Variants in MAF observed in about 807,000 individuals in gnomAD.
MAF encodes the protein transcription factor Maf.
A neutral mutation model predicts 22.0 loss-of-function variants in MAF; 10 were observed. That is an observed-to-expected ratio of 0.45 (90% CI 0.28 to 0.77). The LOEUF is 0.77. MAF is among the 30% of genes least tolerant of loss of function. The pLI, the probability that MAF is intolerant of heterozygous loss-of-function variation, is 0.12. For missense variants in MAF, 544 were observed against 548.4 expected, an observed-to-expected ratio of 0.99 and a Z score of 0.08; for synonymous variants, 337 against 255.8, an observed-to-expected ratio of 1.32 and a Z score of -3.03.
chr16:79,328,682 A>G, the MAF span, among the ~76,000 whole-genome samples: 1 of 152,166 alleles, frequency 6.6e-6, no homozygotes, highest in Non-Finnish European at 1.5e-5. Context: ...TTTGGCCAAT[A>G]TAACTCCATT....
the MAF span, among the ~76,000 whole-genome samples, chr16:79,305,674 G>T: frequency 1.3e-5 from 2 of 152,190 alleles, no homozygotes; most frequent in African/African-American, 4.8e-5. Context: ...ACATCGCTTT[G>T]AACCTGAGCT....
the MAF span, among the ~76,000 whole-genome samples, chr16:79,571,699 T>C: frequency 6.6e-6 from 1 of 152,154 alleles, no homozygotes; most frequent in Non-Finnish European, 1.5e-5. Flanking sequence ...TCAGGCAGGA[T>C]AGATCTACAG....
At chr16:79,236,269 T>C in the MAF span, among the ~76,000 whole-genome samples, 3 of 152,076 alleles carry the variant, frequency 2.0e-5, no homozygotes, top group Admixed American at 6.6e-5. Flanking sequence ...CTGGTTAATG[T>C]TGGTGTTTGG....
chr16:79,551,976 A>T, the MAF span, among the ~76,000 whole-genome samples: 1 of 151,424 alleles, frequency 6.6e-6, no homozygotes, highest in African/African-American at 2.4e-5. Context: ...CACAGCTGTG[A>T]TTTTTTTTTA....
the MAF span, among the ~76,000 whole-genome samples, chr16:79,283,350 A>G: frequency 6.6e-6 from 1 of 152,246 alleles, no homozygotes; most frequent in Non-Finnish European, 1.5e-5. Context: ...CAGAAAGTTT[A>G]CACTTTGGGC....
At chr16:79,437,688 G>T in the MAF span, among the ~76,000 whole-genome samples, 5 of 152,116 alleles carry the variant, frequency 3.3e-5, no homozygotes, top group Non-Finnish European at 5.9e-5. Context: ...TGAAAACCCT[G>T]GCATTACTCT....
the MAF span, among the ~76,000 whole-genome samples, chr16:79,468,566 G>C: frequency 1.3e-5 from 2 of 152,220 alleles, no homozygotes; most frequent in South Asian, 2.1e-4. Flanking sequence ...AGCAGCCCCA[G>C]CATGCTGCAG....
chr16:79,509,498 T>G, the MAF span, among the ~76,000 whole-genome samples: 1 of 152,140 alleles, frequency 6.6e-6, no homozygotes, highest in South Asian at 2.1e-4. Flanking sequence ...CCTTGCTGGA[T>G]GGAACACGAG....
chr16:79,268,594 T>C, the MAF span, among the ~76,000 whole-genome samples: 1 of 151,964 alleles, frequency 6.6e-6, no homozygotes, highest in African/African-American at 2.4e-5. Context: ...AGACATAGAG[T>C]TGTTTAAAAA....
At chr16:79,417,826 G>C in the MAF span, among the ~76,000 whole-genome samples, 1 of 151,928 alleles carries the variant, frequency 6.6e-6, no homozygotes, top group Middle Eastern at 3.4e-3. Context: ...CAGATAAGAC[G>C]CTGCTGGAGA....
the MAF span, among the ~76,000 whole-genome samples, chr16:79,450,714 C>T: frequency 1.3e-5 from 2 of 151,460 alleles, no homozygotes; most frequent in African/African-American, 4.9e-5. Context: ...ACTGACAACT[C>T]GGATGGAGAT....
At chr16:79,283,584 C>T in the MAF span, among the ~76,000 whole-genome samples, 1 of 152,156 alleles carries the variant, frequency 6.6e-6, no homozygotes, top group South Asian at 2.1e-4. Context: ...AAAAAGATCT[C>T]TTAAAAAACA....
At chr16:79,209,686 C>T in the MAF span, among the ~76,000 whole-genome samples, 2 of 152,140 alleles carry the variant, frequency 1.3e-5, no homozygotes, top group African/African-American at 4.8e-5. Context: ...CTCTAAGATT[C>T]CAGGCCAAAA....
At chr16:79,259,442 C>G in the MAF span, among the ~76,000 whole-genome samples, 1 of 152,124 alleles carries the variant, frequency 6.6e-6, no homozygotes, top group Non-Finnish European at 1.5e-5. Context: ...ACAGGTAATT[C>G]CTTTATGTCT....
At chr16:79,523,072 T>C in the MAF span, among the ~76,000 whole-genome samples, 3 of 152,340 alleles carry the variant, frequency 2.0e-5, no homozygotes, top group Admixed American at 2.0e-4. Context: ...ACCCTCTAGG[T>C]ATTTCTCTCC....
chr16:79,395,375 G>C, the MAF span, among the ~76,000 whole-genome samples: 11 of 152,318 alleles, frequency 7.2e-5, no homozygotes, highest in African/African-American at 2.4e-4. Context: ...AGGTTGAATA[G>C]GGTTTTCTCC....
chr16:79,427,494 T>A, the MAF span, among the ~76,000 whole-genome samples: 1 of 152,216 alleles, frequency 6.6e-6, no homozygotes, highest in East Asian at 1.9e-4. Context: ...GGAGTAGTGA[T>A]GTTGGCTCAG....
At chr16:79,439,907 G>A in the MAF span, among the ~76,000 whole-genome samples, 2 of 152,166 alleles carry the variant, frequency 1.3e-5, no homozygotes, top group Non-Finnish European at 2.9e-5. Flanking sequence ...GTGCATCAGG[G>A]ACTTGGGTTG....
the MAF span, among the ~76,000 whole-genome samples, chr16:79,239,542 C>T: frequency 6.6e-6 from 1 of 151,998 alleles, no homozygotes; most frequent in South Asian, 2.1e-4. Flanking sequence ...CCAGACTTTC[C>T]ACAGATGGCC....
Sources: allele counts gnomAD v4.1 joint callset (sites outside exome capture counted in the v4.1 genomes callset), GRCh38; gene constraint gnomAD v4.1.1; transcripts MANE v1.5; gene names NCBI Gene and HGNC (gene_info 2026-07-23, HGNC 2026-07-21).